The following CNTNAP2 variants were observed in gnomAD, a reference collection of about 807,000 sequenced individuals.
CNTNAP2 encodes the protein contactin-associated protein-like 2.
A neutral mutation model predicts 155.2 loss-of-function variants in CNTNAP2; 98 were observed. The ratio of observed to expected loss-of-function variants is 0.63; its 90% CI spans 0.54 to 0.75. The LOEUF (loss-of-function observed/expected upper bound fraction) is 0.75. Among genes scored for constraint, CNTNAP2 ranks in the 30% least tolerant of loss-of-function variants. The pLI is 0.00. For missense variants in CNTNAP2, 1,727 were observed against 1,688.1 expected (o/e 1.02, Z -0.40); for synonymous variants, 651 against 631.2 (o/e 1.03, Z -0.47).
In CNTNAP2 at chr7:146,531,764, C is replaced by T. The variant is rs373485837; in HGVS notation, c.98-242507C>T. Among the ~76,000 whole-genome samples the T allele has an allele frequency of 2.0e-4, 30 of 152,160 alleles. No individual in the cohort carries two copies. The East Asian group carries it at 3.9e-3, about 20-fold the overall frequency. ...TTCACCATGTTGGCCAGGCTGGTTTCGAACTCCTGACCTCAGATGATCCAC... is the reference window on the plus strand; with the variant it reads ...TTCACCATGTTGGCCAGGCTGGTTTTGAACTCCTGACCTCAGATGATCCAC... On this transcript the variant is annotated intron_variant, in intron 1 of 23. Transcript: ENST00000361727.
At chr7:148,024,157 T>TAAAAAAAAAAAAAA (rs34591496) in intron 15 of CNTNAP2, among the ~76,000 whole-genome samples, 6 of 107,598 alleles carry the variant, frequency 5.6e-5, no homozygotes, top group East Asian at 6.8e-4. Context: ...CTTTAAAGTG[T>TAAAAAAAAAAAAAA]AAAAAAAAAA....
At chr7:146,537,056 A>C (rs1345278400) in intron 1 of CNTNAP2, among the ~76,000 whole-genome samples, 2 of 152,130 alleles carry the variant, frequency 1.3e-5, no homozygotes, top group African/African-American at 4.8e-5. Context: ...ATGTTTCATA[A>C]CCTAAGGCAT....
chr7:146,619,921 G>A lies in CNTNAP2; in HGVS notation c.98-154350G>A, dbSNP rs528359149. On this transcript the variant is annotated intron_variant, in intron 1 of 23. Transcript: ENST00000361727. ...ATAATTGGATCCACACAGTGCTGGA[G>A]AATTCTACGTGTTAAAGATGTATAA... Among the ~76,000 whole-genome samples the A allele has an allele frequency of 1.4e-4, 22 of 152,200 alleles. No individual in the cohort carries two copies. In the South Asian group the frequency reaches 4.6e-3, roughly 32 times the overall value.
intron 2 of CNTNAP2, among the ~76,000 whole-genome samples, chr7:146,805,079 T>C (rs1585098524): frequency 6.6e-6 from 1 of 152,128 alleles, no homozygotes; most frequent in East Asian, 1.9e-4. Context: ...ATAGTGGCCA[T>C]TGGGTTTGTG....
intron 12 of CNTNAP2, among the ~76,000 whole-genome samples, chr7:147,597,703 C>A (rs900786437): frequency 2.0e-5 from 3 of 152,100 alleles, no homozygotes; most frequent in African/African-American, 7.2e-5. Flanking sequence ...TGTCTAAATC[C>A]CCCATCCTTC....
intron 2 of CNTNAP2, among the ~76,000 whole-genome samples, chr7:146,789,613 A>G (rs1802635833): frequency 6.6e-6 from 1 of 150,424 alleles, no homozygotes; most frequent in African/African-American, 2.4e-5. Context: ...AAAAAAAAAG[A>G]CAAACCTGTA....
chr7:147,289,448 G>C (rs1417395408), intron 8 of CNTNAP2, among the ~76,000 whole-genome samples: 1 of 151,330 alleles, frequency 6.6e-6, no homozygotes, highest in African/African-American at 2.4e-5. Context: ...GAGAAATAAA[G>C]AGGAAAGAAA....
chr7:146,267,348 A>G (rs994188122), intron 1 of CNTNAP2, among the ~76,000 whole-genome samples: 4 of 152,190 alleles, frequency 2.6e-5, no homozygotes, highest in East Asian at 1.9e-4. Context: ...CATCTAGGCC[A>G]TGTGTTATTT....
chr7:147,994,354 A>AG (rs1406629977), intron 15 of CNTNAP2, among the ~76,000 whole-genome samples: 2 of 150,826 alleles, frequency 1.3e-5, no homozygotes, highest in Non-Finnish European at 3.0e-5. Flanking sequence ...TTGAGTGACA[A>AG]AGTAAGACCT....
chr7:147,024,211 G>A (rs1174997721), intron 3 of CNTNAP2, among the ~76,000 whole-genome samples: 1 of 152,102 alleles, frequency 6.6e-6, no homozygotes, highest in Non-Finnish European at 1.5e-5. Context: ...AGCACATTCT[G>A]CTAATTTGTA....
intron 3 of CNTNAP2, among the ~76,000 whole-genome samples, chr7:147,042,923 G>A (rs1799286913): frequency 6.6e-6 from 1 of 152,046 alleles, no homozygotes; most frequent in Non-Finnish European, 1.5e-5. Context: ...AAAAGATAAT[G>A]CTAAAGCCTC....
chr7:146,890,237 G>A (rs1205644605), intron 3 of CNTNAP2, among the ~76,000 whole-genome samples: 2 of 152,160 alleles, frequency 1.3e-5, no homozygotes, highest in Admixed American at 6.5e-5. Context: ...TTCAGATCTC[G>A]ACAGTATTTT....
At chr7:146,585,526 T>G (rs1453378439) in intron 1 of CNTNAP2, among the ~76,000 whole-genome samples, 1 of 152,052 alleles carries the variant, frequency 6.6e-6, no homozygotes, top group Non-Finnish European at 1.5e-5. Flanking sequence ...TACAACATAG[T>G]TAGGTAAGTT....
chr7:146,822,357 A>G lies in CNTNAP2; in HGVS notation c.209-17354A>G, dbSNP rs1337335028. 5.9e-5 allele frequency among the ~76,000 whole-genome samples: 9 copies of G among 152,036 alleles called. No individual in the cohort carries two copies. In the South Asian group the frequency reaches 6.3e-4, roughly 11 times the overall value. On this transcript the variant is annotated intron_variant, in intron 2 of 23. Coordinates refer to ENST00000361727, the MANE Select transcript of CNTNAP2 (RefSeq NM_014141.6). ...CAGGGGGGAGTGATAGCATTAGGAG[A>G]TATACCTAATGCTAAATGACGAGTT...
intron 4 of CNTNAP2, among the ~76,000 whole-genome samples, chr7:147,098,836 C>A (rs563487389): frequency 5.2e-4 from 79 of 152,228 alleles, no homozygotes; most frequent in African/African-American, 1.8e-3. Flanking sequence ...TTATAACCAG[C>A]CAGCATCACA....
intron 17 of CNTNAP2, among the ~76,000 whole-genome samples, chr7:148,148,403 T>C (rs1241163695): frequency 2.0e-5 from 3 of 152,226 alleles, no homozygotes; most frequent in Admixed American, 6.5e-5. Context: ...GAATTTTAAA[T>C]TTTGTTTTTG....
chr7:147,260,031 A>G (rs980734639), intron 8 of CNTNAP2, among the ~76,000 whole-genome samples: 8 of 152,204 alleles, frequency 5.3e-5, no homozygotes, highest in Non-Finnish European at 8.8e-5. Context: ...ACGACTGGCA[A>G]GTCAAATGGT....
Position 148,243,808 on chromosome 7 carries a change from G to GA in CNTNAP2, c.3381+14039dup, listed in dbSNP as rs1033336475. On this transcript the variant is annotated intron_variant, in intron 20 of 23. Coordinates refer to ENST00000361727, the MANE Select transcript of CNTNAP2 (RefSeq NM_014141.6). ...CTAAAGACAAAAAAAAAAGAAAAAA[G>GA]AAAAAAAAAACTTTTGAAGAATTAA... Among the ~76,000 whole-genome samples, 328 of 148,174 alleles carry GA rather than the reference G, an allele frequency of 2.2e-3. 1 individual carries two copies. The highest frequency in any genetic ancestry group is 7.3e-3 in the African/African-American group (295 of 40,216).
chr7:147,041,569 T>TA (rs1026034983), intron 3 of CNTNAP2, among the ~76,000 whole-genome samples: 4 of 148,776 alleles, frequency 2.7e-5, no homozygotes, highest in Non-Finnish European at 6.0e-5. Context: ...TCTAACTCTG[T>TA]AGAATTTGCC....
Sources: gnomAD v4.1 joint callset for allele counts (sites outside exome capture counted in the v4.1 genomes callset) on GRCh38, gnomAD v4.1.1 for gene constraint, MANE v1.5 for transcripts, NCBI Gene and HGNC (gene_info 2026-07-23, HGNC 2026-07-21) for gene names.